The following CCDC158 variants were observed in gnomAD, a reference collection of about 807,000 sequenced individuals.
CCDC158 encodes coiled-coil domain-containing protein 158.
CCDC158 carries 116 observed loss-of-function variants against 138.6 expected under a neutral mutation model. That is an observed-to-expected ratio of 0.84 (90% CI 0.72 to 0.98). The LOEUF (loss-of-function observed/expected upper bound fraction) is 0.98, where lower values mean the gene tolerates loss of function less well. Ranked by LOEUF, CCDC158 falls within the 50% of genes least tolerant of loss-of-function variation. CCDC158 has a pLI of 0.00. For missense variants in CCDC158, 1,265 were observed against 1,306.1 expected, an observed-to-expected ratio of 0.97 and a Z score of 0.48; for synonymous variants, 436 against 442.4, an observed-to-expected ratio of 0.99 and a Z score of 0.18.
Position 76,364,318 on chromosome 4 carries a change from T to C in CCDC158, c.1831-2003A>G, listed in dbSNP as rs145310231. Among the ~76,000 whole-genome samples, 219 of 152,306 alleles carry C rather than the reference T, an allele frequency of 1.4e-3. 1 individual carries two copies. The highest frequency in any genetic ancestry group is 5.0e-3 in the African/African-American group (207 of 41,574). Reference sequence around the variant, plus strand: ...GCCACAGTGCCTCCTAACTGGTCTCTATCTGTGTTGGTAAGGCTTCCTAGG... The same window carrying C: ...GCCACAGTGCCTCCTAACTGGTCTCCATCTGTGTTGGTAAGGCTTCCTAGG... On this transcript the variant is annotated intron_variant, in intron 12 of 24. Transcript: ENST00000682701.
intron 18 of CCDC158, 46 bp from the exon 19 acceptor site, chr4:76,334,213 A>C (rs374469125): frequency 6.9e-7 from 1 of 1,452,176 alleles, no homozygotes; most frequent in Admixed American, 2.2e-5. Flanking sequence ...TCAGATTTCT[A>C]TGCTATTTCC....
At chr4:76,351,899 C>T (rs1284968089) in intron 16 of CCDC158, 87 bp from the exon 17 acceptor site, 2 of 774,204 alleles carry the variant, frequency 2.6e-6, no homozygotes, top group Admixed American at 2.5e-5. Context: ...GCTGCCATCT[C>T]TTCAAAAAAT....
chr4:76,358,533 C>G (rs373902924), intron 13 of CCDC158, among the ~76,000 whole-genome samples: 4 of 152,154 alleles, frequency 2.6e-5, no homozygotes, highest in South Asian at 4.1e-4. Context: ...AGCCCTCATT[C>G]GTTTCACTTT....
chr4:76,361,618 G>A (rs28581624), intron 13 of CCDC158, among the ~76,000 whole-genome samples: 4,465 of 152,188 alleles, frequency 0.029, 219 homozygotes, highest in African/African-American at 0.1. Context: ...ACAGCAATGC[G>A]AGAAGGGACT....
In CCDC158 at chr4:76,318,040, G is replaced by T. The variant is rs76837127; in HGVS notation, c.3278-4794C>A. The stretch of plus-strand genomic sequence containing the variant: ...AAAAGGAAAGTTAATAGCCTTAAAT[G>T]CCTACATAAACAAGTCTGAAAGAGC... On this transcript the variant is annotated intron_variant, in intron 24 of 24. Transcript: ENST00000682701. Among the ~76,000 whole-genome samples the T allele has an allele frequency of 5.3e-5, 8 of 152,082 alleles. No homozygotes were observed. The East Asian group carries it at 1.5e-3, about 29-fold the overall frequency.
At chr4:76,326,092 C>A in intron 22 of CCDC158, 77 bp from the exon 23 acceptor site, 1 of 1,180,244 alleles carries the variant, frequency 8.5e-7, no homozygotes, top group South Asian at 1.5e-5. Flanking sequence ...AAAAGTCAAG[C>A]TTTCATGAGA....
chr4:76,361,912 G>A (rs934346576), intron 13 of CCDC158, among the ~76,000 whole-genome samples: 1 of 152,150 alleles, frequency 6.6e-6, no homozygotes, highest in East Asian at 1.9e-4. Flanking sequence ...TACACTGAGG[G>A]CTGACTAAAG....
rs770814199 is a variant in CCDC158, at chr4:76,383,657, C to G, written c.803+5G>C. On this transcript the variant is annotated splice_donor_5th_base_variant and intron_variant, in intron 7 of 24. Transcript: ENST00000682701. ...GGCTTTTCCATACCTCAGTCAGAAA[C>G]CTACCTATCTTGGTGTTGTTGCAGA... 2 of 1,607,726 alleles carry G rather than the reference C, an allele frequency of 1.2e-6. No homozygotes were observed. Among genetic ancestry groups the G allele is most frequent in the Admixed American group, 1.7e-5 (1 of 59,964 alleles).
intron 3 of CCDC158, among the ~76,000 whole-genome samples, chr4:76,400,835 T>A (rs1157404582): frequency 1.3e-5 from 2 of 152,094 alleles, no homozygotes; most frequent in Admixed American, 1.3e-4. Context: ...GTTTTTCCTG[T>A]AAGAGTGCAA....
chr4:76,419,671 T>C (rs1410151718), intron 1 of CCDC158, among the ~76,000 whole-genome samples: 1 of 151,586 alleles, frequency 6.6e-6, no homozygotes, highest in Non-Finnish European at 1.5e-5. Context: ...CAAATCTGCT[T>C]CTCTCTCTCT....
intron 13 of CCDC158, among the ~76,000 whole-genome samples, chr4:76,358,000 C>CAT (rs771566963): frequency 0.03 from 4,462 of 150,700 alleles, 219 homozygotes; most frequent in African/African-American, 0.1. Flanking sequence ...TGCACACACA[C>CAT]ACACACACAC....
chr4:76,349,827 T>TA (rs981970135), intron 18 of CCDC158, among the ~76,000 whole-genome samples: 26 of 152,314 alleles, frequency 1.7e-4, no homozygotes, highest in Admixed American at 4.6e-4. Flanking sequence ...TTTGGGTAAT[T>TA]AAAAATCACA....
chr4:76,396,511 T>G (rs1324272838), intron 3 of CCDC158, 25 bp from the exon 4 acceptor site: 4 of 1,556,456 alleles, frequency 2.6e-6, no homozygotes, highest in Admixed American at 3.6e-5. Flanking sequence ...ATTCATTAAT[T>G]AACTTTTCGT....
intron 1 of CCDC158, among the ~76,000 whole-genome samples, chr4:76,415,991 C>T (rs188080880): frequency 6.4e-4 from 97 of 152,368 alleles, no homozygotes; most frequent in African/African-American, 2.3e-3. Flanking sequence ...AACCGTCTCC[C>T]TGTGATGCTG....
intron 4 of CCDC158, among the ~76,000 whole-genome samples, chr4:76,393,431 T>G (rs1050835602): frequency 6.6e-6 from 1 of 152,084 alleles, no homozygotes; most frequent in African/African-American, 2.4e-5. Context: ...GATATCCATA[T>G]GCAGAGGAAT....
intron 18 of CCDC158, among the ~76,000 whole-genome samples, chr4:76,349,647 G>A (rs1175732162): frequency 6.6e-6 from 1 of 152,148 alleles, no homozygotes; most frequent in Non-Finnish European, 1.5e-5. Flanking sequence ...CAGCCTCAGT[G>A]ACAGAGCAAG....
At chr4:76,383,967 C>T (rs1018712409) in intron 6 of CCDC158, 121 bp downstream of exon 6, 4 of 815,074 alleles carry the variant, frequency 4.9e-6, no homozygotes, top group African/African-American at 3.5e-5. Flanking sequence ...GAAGTAACTT[C>T]TGTTATTTCA....
chr4:76,359,241 C>A (rs1230384289), intron 13 of CCDC158, among the ~76,000 whole-genome samples: 1 of 152,166 alleles, frequency 6.6e-6, no homozygotes, highest in Non-Finnish European at 1.5e-5. Context: ...AACCTCTTTT[C>A]TTCACAAATT....
chr4:76,325,073 A>C (rs1011948987), intron 23 of CCDC158, among the ~76,000 whole-genome samples: 1 of 152,228 alleles, frequency 6.6e-6, no homozygotes, highest in African/African-American at 2.4e-5. Flanking sequence ...TCACAGTTAA[A>C]ATTGAAGAAG....
Sources: allele counts gnomAD v4.1 joint callset (sites outside exome capture counted in the v4.1 genomes callset), GRCh38; gene constraint gnomAD v4.1.1; transcripts MANE v1.5; gene names NCBI Gene and HGNC (gene_info 2026-07-23, HGNC 2026-07-21).